The following CTNNA3 variants were observed in gnomAD, a reference collection of about 807,000 sequenced individuals.
CTNNA3 encodes catenin alpha-3.
Under a neutral mutation model 95.7 loss-of-function variants are expected in CTNNA3, and 76 were observed. The observed-to-expected ratio is 0.79, with a 90% CI of 0.66 to 0.96. The LOEUF (loss-of-function observed/expected upper bound fraction) is 0.96. CTNNA3 is among the 40% of genes least tolerant of loss of function. The pLI is 0.00. For missense variants in CTNNA3, 1,191 were observed against 1,089.8 expected, an observed-to-expected ratio of 1.09 and a Z score of -1.31; for synonymous variants, 431 against 374.4, an observed-to-expected ratio of 1.15 and a Z score of -1.74.
intron 5 of CTNNA3, among the ~76,000 whole-genome samples, chr10:67,442,286 G>A (rs1846551187): frequency 6.6e-6 from 1 of 151,462 alleles, no homozygotes; most frequent in Non-Finnish European, 1.5e-5. Context: ...CACCTTCATG[G>A]GGAAAAAAGA....
rs376977753 is a variant in CTNNA3, at chr10:67,571,009, T to C, written c.293-31340A>G. Among the ~76,000 whole-genome samples the C allele has an allele frequency of 1.3e-4, 20 of 152,240 alleles. 1 individual carries two copies. The highest frequency in any genetic ancestry group is 4.6e-4 in the African/African-American group (19 of 41,548). ...AGGATGCTGGGGCATCCTTACAAAA[T>C]TTTTTAGTCAAACAGTAACAGGACT... On this transcript the variant is annotated intron_variant, in intron 3 of 17. Transcript: ENST00000433211.
intron 5 of CTNNA3, among the ~76,000 whole-genome samples, chr10:67,343,101 C>T (rs1343894154): frequency 6.6e-6 from 1 of 152,004 alleles, no homozygotes; most frequent in Admixed American, 6.6e-5. Flanking sequence ...TACAGGTGCA[C>T]CACCATACCC....
chr10:67,673,801 G>A (rs1438015068), intron 1 of CTNNA3, among the ~76,000 whole-genome samples: 6 of 131,250 alleles, frequency 4.6e-5, no homozygotes, highest in East Asian at 2.4e-4. Flanking sequence ...AATAACGGAC[G>A]TCCGTTATTA....
intron 13 of CTNNA3, among the ~76,000 whole-genome samples, chr10:66,247,328 TA>T (rs1301991674): frequency 6.6e-6 from 1 of 152,124 alleles, no homozygotes; most frequent in Non-Finnish European, 1.5e-5. Flanking sequence ...GGTTCACAGC[TA>T]GCATTGCTGG....
chr10:66,309,685 CAAAAAAAA>C (rs60400266), intron 12 of CTNNA3, among the ~76,000 whole-genome samples: 2 of 41,770 alleles, frequency 4.8e-5, no homozygotes, highest in South Asian at 1.3e-3. Context: ...GACTCCGTCT[CAAAAAAAA>C]AAAAAAAAAA....
At chr10:66,034,243 G>A (rs1165320016) in intron 15 of CTNNA3, among the ~76,000 whole-genome samples, 1 of 151,806 alleles carries the variant, frequency 6.6e-6, no homozygotes, top group Non-Finnish European at 1.5e-5. Flanking sequence ...TTTAAAGTTA[G>A]AAAGTGCTAA....
At chr10:66,740,200 AC>A (rs1384872652) in intron 9 of CTNNA3, among the ~76,000 whole-genome samples, 108 of 152,332 alleles carry the variant, frequency 7.1e-4, no homozygotes, top group African/African-American at 2.4e-3. Context: ...CCTAAGAGTG[AC>A]CAGACATGGT....
chr10:67,275,560 A>T (rs534705927), intron 5 of CTNNA3, among the ~76,000 whole-genome samples: 1 of 152,246 alleles, frequency 6.6e-6, no homozygotes, highest in South Asian at 2.1e-4. Context: ...ATAACAGTAA[A>T]CCCTAAAAGA....
chr10:67,120,233 T>C (rs1012571145), intron 7 of CTNNA3, among the ~76,000 whole-genome samples: 2 of 151,950 alleles, frequency 1.3e-5, no homozygotes, highest in Non-Finnish European at 2.9e-5. Context: ...GCATAATCCA[T>C]TGTGTATTAT....
chr10:66,437,749 G>A (rs1485043320), intron 11 of CTNNA3, among the ~76,000 whole-genome samples: 1 of 152,074 alleles, frequency 6.6e-6, no homozygotes, highest in African/African-American at 2.4e-5. Context: ...CCTTGCTGGC[G>A]AGGAGTTGTG....
chr10:66,035,681 C>A (rs1230027655), intron 15 of CTNNA3, among the ~76,000 whole-genome samples: 1 of 151,704 alleles, frequency 6.6e-6, no homozygotes, highest in Non-Finnish European at 1.5e-5. Context: ...AAAGGATTTT[C>A]TTTTACTTTG....
intron 13 of CTNNA3, among the ~76,000 whole-genome samples, chr10:66,260,204 G>T (rs1256899834): frequency 5.9e-5 from 9 of 152,094 alleles, no homozygotes; most frequent in Admixed American, 2.6e-4. Flanking sequence ...GGCCAAAAAT[G>T]TAACCACACT....
At chr10:66,181,120 A>C (rs1223137461) in intron 13 of CTNNA3, among the ~76,000 whole-genome samples, 1 of 152,196 alleles carries the variant, frequency 6.6e-6, no homozygotes, top group Non-Finnish European at 1.5e-5. Flanking sequence ...AAGCAAAGTA[A>C]AAAGTCATTT....
chr10:67,340,812 C>T (rs1842155867), intron 5 of CTNNA3, among the ~76,000 whole-genome samples: 1 of 152,124 alleles, frequency 6.6e-6, no homozygotes, highest in Non-Finnish European at 1.5e-5. Context: ...TATAGTATTA[C>T]ACTTTGAAAA....
intron 10 of CTNNA3, among the ~76,000 whole-genome samples, chr10:66,550,221 C>T (rs1265919985): frequency 2.0e-5 from 3 of 152,054 alleles, no homozygotes; most frequent in Non-Finnish European, 4.4e-5. Flanking sequence ...GTCTTGAAGT[C>T]TACTTTAACT....
At chr10:66,547,416 C>A (rs1311487233) in intron 10 of CTNNA3, among the ~76,000 whole-genome samples, 6 of 126,760 alleles carry the variant, frequency 4.7e-5, no homozygotes, top group Middle Eastern at 7.2e-3. Flanking sequence ...ATTCTTGGCT[C>A]ACTGCAAGCT....
rs1165318505 is a variant in CTNNA3 at position 66,548,979 on chromosome 10, ATT to A, written c.1375-28208_1375-28207del. On this transcript the variant is annotated intron_variant, in intron 10 of 17. Coordinates refer to ENST00000433211, the MANE Select transcript of CTNNA3 (RefSeq NM_013266.4). ...CTTAAAATATGACTTGCCTTTCTCC[ATT>A]TTTTTTTTTTTTTTTTTTTTTGTTT... is the stretch of plus-strand genomic sequence containing the variant. Among the ~76,000 whole-genome samples, 268 of 57,146 alleles carry A rather than the reference ATT, an allele frequency of 4.7e-3. 1 individual carries two copies. Among genetic ancestry groups the A allele is most frequent in the African/African-American group, 0.016 (251 of 15,678 alleles). 37.5% of individuals were successfully genotyped at this position (57,146 alleles called of 152,430 possible). A position where few individuals can be genotyped will look rare whatever the true frequency, so the allele number is the denominator to read the frequency against.
chr10:66,098,783 C>T (rs1267332321), intron 14 of CTNNA3: 7 of 152,140 alleles, frequency 4.6e-5, no homozygotes, highest in Admixed American at 2.0e-4. Flanking sequence ...CACTCCGGTA[C>T]GCCTGATCAC....
chr10:66,578,065 T>TA, intron 10 of CTNNA3, among the ~76,000 whole-genome samples: 1 of 152,004 alleles, frequency 6.6e-6, no homozygotes, highest in Non-Finnish European at 1.5e-5. Flanking sequence ...TATTCCTAGG[T>TA]ATTTTATTCT....
Sources: gnomAD v4.1 joint callset for allele counts (sites outside exome capture counted in the v4.1 genomes callset) on GRCh38, gnomAD v4.1.1 for gene constraint, MANE v1.5 for transcripts, NCBI Gene and HGNC (gene_info 2026-07-23, HGNC 2026-07-21) for gene names.